The following ORMDL3 variants were observed in gnomAD, a reference collection of about 807,000 sequenced individuals.
ORMDL3 encodes the protein ORMDL sphingolipid biosynthesis regulator 3, also known as ORM1-like protein 3.
Under a neutral mutation model 12.6 loss-of-function variants are expected in ORMDL3, and 6 were observed. The observed-to-expected ratio is 0.48, with a 90% confidence interval of 0.26 to 0.94. The LOEUF (loss-of-function observed/expected upper bound fraction) is 0.94, where lower values mean the gene tolerates loss of function less well. Among genes scored for constraint, ORMDL3 ranks in the 40% least tolerant of loss-of-function variants. The pLI is 0.14. For synonymous variants in ORMDL3, 99 were observed against 87.2 expected, an observed-to-expected ratio of 1.14 and a Z score of -0.75; for missense variants, 159 against 205.5, an observed-to-expected ratio of 0.77 and a Z score of 1.38.
chr17:39,923,619 G>C (rs556926134), intron 2 of ORMDL3, among the ~76,000 whole-genome samples: 1 of 152,314 alleles, frequency 6.6e-6, no homozygotes, highest in South Asian at 2.1e-4. Context: ...AAGGTAGCAA[G>C]TGGTGAGGGA....
chr17:39,922,869 A>G (rs1598285587), intron 3 of ORMDL3, among the ~76,000 whole-genome samples, 184 bp from the exon 4 acceptor site: 1 of 151,864 alleles, frequency 6.6e-6, no homozygotes. Flanking sequence ...TACCGCCCCC[A>G]CCTCCCAGCT....
chr17:39,922,998 C>T, intron 3 of ORMDL3, 114 bp downstream of exon 3: 1 of 1,385,430 alleles, frequency 7.2e-7, no homozygotes, highest in Non-Finnish European at 1.0e-6. Context: ...TTCCAACTTC[C>T]TCTGTTCATC....
chr17:39,923,312 T>C (rs1297044432), intron 2 of ORMDL3, 49 bp from the exon 3 acceptor site: 15 of 1,592,524 alleles, frequency 9.4e-6, no homozygotes, highest in Non-Finnish European at 1.3e-5. Context: ...AAGGCCCCCC[T>C]GCCCAGCTCC....
At chr17:39,923,427 CAGG>C (rs1159456347) in intron 2 of ORMDL3, among the ~76,000 whole-genome samples, 164 bp from the exon 3 acceptor site, 1 of 151,936 alleles carries the variant, frequency 6.6e-6, no homozygotes, top group Non-Finnish European at 1.5e-5. Flanking sequence ...GGGAGTATGG[CAGG>C]AGAAGAACAA....
rs1391460033 is a variant in ORMDL3, at chr17:39,924,032, T to C, written c.172A>G (p.Met58Val). The C allele has an allele frequency of 3.1e-6, 5 of 1,601,690 alleles. No individual in the cohort carries two copies. The African/African-American group carries it at 4.0e-5, about 13-fold the overall frequency. ...VWTLTNLIHN[M>V]GMYIFLHTVK... Reference sequence around the variant, plus strand: ...GCAGGCAGCAGACAGGCTCTCACCATGTTGTGAATGAGGTTGGTGAGGGTC... The same window carrying C: ...GCAGGCAGCAGACAGGCTCTCACCACGTTGTGAATGAGGTTGGTGAGGGTC... Residue 58 changes from methionine (M) to valine (V), a missense_variant and splice_region_variant, in exon 2 of 4, where the codon ATG becomes GTG. By Grantham distance (21) the Met-to-Val change is conservative. Coordinates refer to ENST00000304046, the MANE Select transcript of ORMDL3 (RefSeq NM_139280.4).
chr17:39,927,428 C>T, intron 1 of ORMDL3, 56 bp downstream of exon 1: 1 of 985,770 alleles, frequency 1.0e-6, no homozygotes, highest in Non-Finnish European at 1.2e-6. Flanking sequence ...GCAGCCCCCA[C>T]CTTCTCTCCC....
At chr17:39,927,000 A>C in intron 1 of ORMDL3, 1 of 985,680 alleles carries the variant, frequency 1.0e-6, no homozygotes. Context: ...GTAGGAGCGG[A>C]AAGCGAGTGC....
intron 2 of ORMDL3, 68 bp from the exon 3 acceptor site, chr17:39,923,331 G>C: frequency 6.5e-7 from 1 of 1,542,410 alleles, no homozygotes; most frequent in Non-Finnish European, 8.9e-7. Flanking sequence ...CCTCCACCCA[G>C]TCACAGACAC....
At chr17:39,924,896 G>C (rs1978335840) in intron 1 of ORMDL3, 1 of 152,276 alleles carries the variant, frequency 6.6e-6, no homozygotes, top group African/African-American at 2.4e-5. Context: ...CCCAGACCTA[G>C]AAGGCACCCC....
At chr17:39,927,398 C>T (rs1978491691) in intron 1 of ORMDL3, 86 bp downstream of exon 1, 1 of 977,328 alleles carries the variant, frequency 1.0e-6, no homozygotes, top group Non-Finnish European at 1.2e-6. Context: ...CCCGTCTCTC[C>T]AGCCCGGGGC....
At chr17:39,926,006 C>T (rs1486342590) in intron 1 of ORMDL3, 1 of 149,210 alleles carries the variant, frequency 6.7e-6, no homozygotes, top group South Asian at 2.1e-4. Flanking sequence ...CAAGTGAGGG[C>T]TCTGAAGGAC....
At chr17:39,926,127 T>G (rs2144751070) in intron 1 of ORMDL3, 1 of 152,318 alleles carries the variant, frequency 6.6e-6, no homozygotes, top group East Asian at 1.9e-4. Context: ...GAAAGTCCAC[T>G]AACCCTTCCT....
chr17:39,922,232 G>C lies in ORMDL3; in HGVS notation c.*318C>G, dbSNP rs1213310122. 9.0e-6 allele frequency: 2 copies of C among 221,630 alleles called. No individual in the cohort carries two copies. Among genetic ancestry groups the C allele is most frequent in the Non-Finnish European group, 1.8e-5 (2 of 112,384 alleles). 13.7% of individuals were successfully genotyped at this position (221,630 alleles called of 1,614,324 possible). ...GCAGGGGTTTTTCCCCTGGCCTCCT[G>C]TCGCAACTGCGTGGTCCATGTTCAG... On this transcript the variant is annotated 3_prime_UTR_variant, in exon 4 of 4. Coordinates refer to ENST00000304046, the MANE Select transcript of ORMDL3 (RefSeq NM_139280.4).
Position 39,927,583 on chromosome 17 carries a change from T to A in ORMDL3, c.-122A>T, listed in dbSNP as rs760220608. Reference sequence around the variant, plus strand: ...CAACCCGCGGCTGCAGCCTCCCCGCTGGCAGCTCCGGCCGAATCAGCGCTC... The same window carrying A: ...CAACCCGCGGCTGCAGCCTCCCCGCAGGCAGCTCCGGCCGAATCAGCGCTC... On this transcript the variant is annotated 5_prime_UTR_variant, in exon 1 of 4. Transcript: ENST00000304046. The A allele has an allele frequency of 1.0e-6, 1 of 985,580 alleles. No homozygotes were observed. The highest frequency in any genetic ancestry group is 6.1e-5 in the Admixed American group (1 of 16,278). The allele number at this position is 985,580 out of a possible 1,614,324, so 61.1% of individuals were successfully genotyped here.
At position 39,921,211 on chromosome 17, in the gene ORMDL3, C is replaced by T. The variant is rs7942; in HGVS notation, c.*1339G>A. ...AGAAAACAGGCCCAGTGACCTCTCC[C>T]GTTCCCTTGGACCCCTGGAAGAGGA... On this transcript the variant is annotated 3_prime_UTR_variant, in exon 4 of 4. Transcript: ENST00000304046. 150,563 of 152,878 alleles carry T rather than the reference C, an allele frequency of 0.98. 74,153 individuals carry two copies. Among genetic ancestry groups the T allele is most frequent in the East Asian group, 1 (5,266 of 5,268 alleles). The allele number at this position is 152,878 out of a possible 1,614,324, so 9.5% of individuals were successfully genotyped here.
rs143649161 is a variant in ORMDL3, at chr17:39,922,628, G to A, written c.384C>T (p.Thr128=). Reference sequence around the variant, plus strand: ...GGATAAGCACGCTCATCAGGGACACGGTGTTGAGCACAAAATGGATCTGGT... The same window carrying A: ...GGATAAGCACGCTCATCAGGGACACAGTGTTGAGCACAAAATGGATCTGGT... ...KYDQIHFVLN[T]VSLMSVLIPK... is the part of the protein sequence containing the mutation. Residue 128 remains threonine, a synonymous_variant, in exon 4 of 4, where the codon ACC becomes ACT. Coordinates refer to ENST00000304046, the MANE Select transcript of ORMDL3 (RefSeq NM_139280.4). 8.6e-5 allele frequency: 139 copies of A among 1,614,134 alleles called. No homozygotes were observed. The highest frequency in any genetic ancestry group is 5.1e-4 in the East Asian group (23 of 44,876).
chr17:39,923,199 G>A lies in ORMDL3; in HGVS notation c.239C>T (p.Ala80Val), dbSNP rs147277267. Residue 80 changes from alanine to valine, a missense_variant, in exon 3 of 4, where the codon GCG becomes GTG. Ala to Val is a moderately conservative substitution (Grantham distance 64, BLOSUM62 0). Transcript: ENST00000304046. ...CTGCTCCCAGTGGGTTAGCAGCCTC[G>A]CCTTGCCCTGGTCCGGGGTCTCAAA... ...TPFETPDQGKARLLTHWEQMD... is the reference protein window; with the variant it reads ...TPFETPDQGKVRLLTHWEQMD... The A allele has an allele frequency of 5.0e-6, 8 of 1,614,072 alleles. No individual in the cohort carries two copies. Among genetic ancestry groups the A allele is most frequent in the Non-Finnish European group, 5.9e-6 (7 of 1,180,010 alleles).
intron 3 of ORMDL3, 131 bp downstream of exon 3, chr17:39,922,981 A>C: frequency 7.8e-7 from 1 of 1,277,842 alleles, no homozygotes; most frequent in Non-Finnish European, 1.1e-6. Flanking sequence ...TGTAAGACCC[A>C]GGAATATTCC....
chr17:39,924,271 G>GC, intron 1 of ORMDL3, 46 bp from the exon 2 acceptor site: 1 of 1,508,248 alleles, frequency 6.6e-7, no homozygotes, highest in South Asian at 1.3e-5. Context: ...TGCTTTCCCT[G>GC]CCCCCTCTCA....
Sources: gnomAD v4.1 joint callset for allele counts (sites outside exome capture counted in the v4.1 genomes callset) on GRCh38, gnomAD v4.1.1 for gene constraint, MANE v1.5 for transcripts, NCBI Gene and HGNC (gene_info 2026-07-23, HGNC 2026-07-21) for gene names.